PPP1R9A: variants seen among roughly 807,000 people sequenced by gnomAD.
PPP1R9A encodes the protein protein phosphatase 1 regulatory subunit 9A.
Under a neutral mutation model 141.9 loss-of-function variants are expected in PPP1R9A, and 59 were observed. The observed-to-expected ratio is 0.42, with a 90% confidence interval of 0.34 to 0.52. PPP1R9A has a LOEUF of 0.52. Among genes scored for constraint, PPP1R9A ranks in the 20% least tolerant of loss-of-function variants. The probability of loss-of-function intolerance (pLI) is 0.10; values close to 1 mark genes in which losing one functional copy is unlikely to be tolerated. For synonymous variants in PPP1R9A, 500 were observed against 569.7 expected (o/e 0.88, Z 1.74); for missense variants, 1,444 against 1,611.9 (o/e 0.90, Z 1.78).
intron 2 of PPP1R9A, among the ~76,000 whole-genome samples, chr7:95,014,972 A>G (rs1804895710): frequency 6.6e-6 from 1 of 152,064 alleles, no homozygotes. Context: ...TTCCTGTTGA[A>G]AAATCTCCAT....
chr7:95,068,473 GAAAAAAA>G (rs36043693), intron 2 of PPP1R9A, among the ~76,000 whole-genome samples: 15 of 94,238 alleles, frequency 1.6e-4, no homozygotes, highest in South Asian at 9.2e-4. Context: ...CTTGTCTCAA[GAAAAAAA>G]AAAAAAAAAA....
At chr7:95,183,819 T>G (rs1834234964) in intron 5 of PPP1R9A, among the ~76,000 whole-genome samples, 1 of 151,944 alleles carries the variant, frequency 6.6e-6, no homozygotes, top group South Asian at 2.1e-4. Flanking sequence ...ATAATTAAAT[T>G]TAAATATTTC....
chr7:95,177,319 A>G (rs1017214807), intron 5 of PPP1R9A, among the ~76,000 whole-genome samples: 1 of 152,154 alleles, frequency 6.6e-6, no homozygotes, highest in South Asian at 2.1e-4. Context: ...AACAAATGCC[A>G]AGAGAATTCA....
chr7:95,247,447 A>G (rs1798262808), intron 8 of PPP1R9A, 26 bp from the exon 9 acceptor site: 1 of 1,577,298 alleles, frequency 6.3e-7, no homozygotes. Flanking sequence ...CTTAGTTCAG[A>G]TTTTTTCTTT....
intron 2 of PPP1R9A, among the ~76,000 whole-genome samples, chr7:94,938,924 C>T (rs546734714): frequency 1.3e-5 from 2 of 152,144 alleles, no homozygotes; most frequent in Non-Finnish European, 2.9e-5. Flanking sequence ...TGTGGATACG[C>T]TATTCCTGTG....
chr7:95,080,250 A>G (rs553324511), intron 2 of PPP1R9A, among the ~76,000 whole-genome samples: 1 of 152,344 alleles, frequency 6.6e-6, no homozygotes, highest in Non-Finnish European at 1.5e-5. Flanking sequence ...GTCTCAGGAT[A>G]CAAAATCAAT....
intron 12 of PPP1R9A, among the ~76,000 whole-genome samples, chr7:95,262,272 T>C (rs1800550712): frequency 6.6e-6 from 1 of 152,204 alleles, no homozygotes; most frequent in Non-Finnish European, 1.5e-5. Context: ...GTTCTACTCA[T>C]AGATGCCTGC....
At chr7:95,251,566 C>G (rs988663359) in intron 10 of PPP1R9A, among the ~76,000 whole-genome samples, 196 bp from the exon 11 acceptor site, 3 of 152,150 alleles carry the variant, frequency 2.0e-5, no homozygotes, top group Non-Finnish European at 2.9e-5. Flanking sequence ...AGAATCGAAT[C>G]ATTTTTCTTT....
intron 2 of PPP1R9A, among the ~76,000 whole-genome samples, chr7:94,987,223 T>C (rs778481468): frequency 3.2e-4 from 48 of 152,236 alleles, no homozygotes; most frequent in Non-Finnish European, 5.3e-4. Flanking sequence ...GCTGTGGCTC[T>C]GCTGTTTATG....
At chr7:95,218,257 T>C (rs917577499) in intron 7 of PPP1R9A, among the ~76,000 whole-genome samples, 5 of 152,196 alleles carry the variant, frequency 3.3e-5, no homozygotes, top group Non-Finnish European at 7.4e-5. Context: ...GCTTGTTCAG[T>C]TTCCATGTAG....
intron 2 of PPP1R9A, among the ~76,000 whole-genome samples, chr7:94,958,534 CT>C: frequency 6.6e-6 from 1 of 151,734 alleles, no homozygotes; most frequent in East Asian, 1.9e-4. Flanking sequence ...TTTTTGCTTA[CT>C]TTTATTTGTT....
At chr7:95,211,381 C>T (rs1021944661) in intron 7 of PPP1R9A, among the ~76,000 whole-genome samples, 1 of 152,138 alleles carries the variant, frequency 6.6e-6, no homozygotes, top group South Asian at 2.1e-4. Context: ...GTCTCTCTGC[C>T]TCCTGAAACA....
chr7:94,988,782 C>T (rs1801152505), intron 2 of PPP1R9A, among the ~76,000 whole-genome samples: 1 of 151,994 alleles, frequency 6.6e-6, no homozygotes, highest in African/African-American at 2.4e-5. Flanking sequence ...AATACATATA[C>T]ATATACTTAT....
chr7:95,014,791 G>A (rs1014369639), intron 2 of PPP1R9A, among the ~76,000 whole-genome samples: 7 of 151,944 alleles, frequency 4.6e-5, no homozygotes, highest in African/African-American at 1.2e-4. Flanking sequence ...TCATTGTACT[G>A]TAAGGAAGAA....
At chr7:95,208,567 G>T (rs1791341944) in intron 7 of PPP1R9A, among the ~76,000 whole-genome samples, 1 of 151,468 alleles carries the variant, frequency 6.6e-6, no homozygotes, top group Admixed American at 6.6e-5. Context: ...TACTAAAAAT[G>T]CAAAAAATTA....
chr7:95,014,964 C>T (rs1488707068), intron 2 of PPP1R9A, among the ~76,000 whole-genome samples: 1 of 151,918 alleles, frequency 6.6e-6, no homozygotes, highest in East Asian at 1.9e-4. Context: ...GTTTCTGTTT[C>T]CTGTTGAAAA....
intron 2 of PPP1R9A, among the ~76,000 whole-genome samples, chr7:94,921,054 A>G (rs1024485236): frequency 6.6e-6 from 1 of 152,176 alleles, no homozygotes; most frequent in African/African-American, 2.4e-5. Context: ...AATAGTACTC[A>G]CAGTCAGAGG....
At chr7:95,246,791 G>T (rs190859611) in intron 8 of PPP1R9A, among the ~76,000 whole-genome samples, 1 of 152,104 alleles carries the variant, frequency 6.6e-6, no homozygotes, top group Non-Finnish European at 1.5e-5. Context: ...AAACAAAGCG[G>T]GGGGAGGGAC....
At chr7:95,170,055 T>C (rs1187162274) in intron 5 of PPP1R9A, among the ~76,000 whole-genome samples, 1 of 151,780 alleles carries the variant, frequency 6.6e-6, no homozygotes, top group Non-Finnish European at 1.5e-5. Flanking sequence ...AAAAGAAGGT[T>C]CTACTCCAAC....
Sources: allele counts gnomAD v4.1 joint callset (sites outside exome capture counted in the v4.1 genomes callset), GRCh38; gene constraint gnomAD v4.1.1; transcripts MANE v1.5; gene names NCBI Gene and HGNC (gene_info 2026-07-23, HGNC 2026-07-21).